STXBP5: variants seen among roughly 807,000 people sequenced by gnomAD.
STXBP5 encodes syntaxin-binding protein 5.
A neutral mutation model predicts 152.4 loss-of-function variants in STXBP5; 50 were observed. That is an observed-to-expected ratio of 0.33 (90% CI 0.26 to 0.42). STXBP5 has a LOEUF of 0.42. Ranked by LOEUF, STXBP5 falls within the 10% of genes least tolerant of loss-of-function variation. The pLI, the probability that STXBP5 is intolerant of heterozygous loss-of-function variation, is 1.00. For synonymous variants in STXBP5, 492 were observed against 494.7 expected, an observed-to-expected ratio of 0.99 and a Z score of 0.07; for missense variants, 1,167 against 1,388.6, an observed-to-expected ratio of 0.84 and a Z score of 2.54.
intron 19 of STXBP5, among the ~76,000 whole-genome samples, chr6:147,337,848 C>T (rs1783905846): frequency 6.6e-6 from 1 of 151,896 alleles, no homozygotes; most frequent in East Asian, 1.9e-4. Flanking sequence ...TGATGTTTAA[C>T]AGAAATAACA....
At chr6:147,231,051 G>T (rs1777979576) in intron 2 of STXBP5, among the ~76,000 whole-genome samples, 1 of 151,706 alleles carries the variant, frequency 6.6e-6, no homozygotes, top group South Asian at 2.1e-4. Context: ...TAGGCAGTTA[G>T]AGTGACGCTT....
chr6:147,339,444 C>A (rs1783991458), intron 21 of STXBP5, 60 bp downstream of exon 21: 1 of 1,272,308 alleles, frequency 7.9e-7, no homozygotes, highest in South Asian at 1.8e-5. Flanking sequence ...GCTAACCCAA[C>A]ACCAGAATTA....
intron 16 of STXBP5, among the ~76,000 whole-genome samples, chr6:147,316,843 T>C (rs144499997): frequency 6.6e-6 from 1 of 152,336 alleles, no homozygotes; most frequent in African/African-American, 2.4e-5. Flanking sequence ...ACCGTATCTT[T>C]ATTTAAAACG....
At chr6:147,279,777 A>G (rs1377813742) in intron 8 of STXBP5, among the ~76,000 whole-genome samples, 1 of 152,174 alleles carries the variant, frequency 6.6e-6, no homozygotes, top group Non-Finnish European at 1.5e-5. Flanking sequence ...ACACTCCTAA[A>G]AATTCCCATG....
chr6:147,382,639 A>G, intron 26 of STXBP5, 139 bp from the exon 27 acceptor site: 1 of 814,580 alleles, frequency 1.2e-6, no homozygotes. Context: ...GAAAGCATGT[A>G]TTAAGCATAT....
intron 2 of STXBP5, among the ~76,000 whole-genome samples, chr6:147,233,830 C>CCTA (rs900005023): frequency 3.4e-4 from 51 of 150,134 alleles, no homozygotes; most frequent in Non-Finnish European, 6.2e-4. Flanking sequence ...AAATACTACT[C>CCTA]CTACTACTAC....
At chr6:147,331,174 G>A (rs372398149) in intron 18 of STXBP5, among the ~76,000 whole-genome samples, 1 of 152,162 alleles carries the variant, frequency 6.6e-6, no homozygotes, top group Non-Finnish European at 1.5e-5. Flanking sequence ...GTAGCTTCCT[G>A]TCTGGACTTT....
At chr6:147,358,722 G>C (rs565432231) in intron 22 of STXBP5, among the ~76,000 whole-genome samples, 1 of 152,252 alleles carries the variant, frequency 6.6e-6, no homozygotes, top group South Asian at 2.1e-4. Flanking sequence ...AAGTAGGCTA[G>C]AGAAAAGAAT....
chr6:147,385,701 T>C lies in STXBP5; in HGVS notation c.*946T>C, dbSNP rs1286772559. On this transcript the variant is annotated 3_prime_UTR_variant, in exon 28 of 28. Coordinates refer to ENST00000321680, the MANE Select transcript of STXBP5 (RefSeq NM_001127715.4). ...TTTTTATAAAATGTTTAACCAAATG[T>C]ACCTTTGCATTCTTTAATTAAAATT... is the stretch of plus-strand genomic sequence containing the variant. 6.6e-6 allele frequency: 1 copy of C among 152,162 alleles called. No homozygotes were observed. The highest frequency in any genetic ancestry group is 2.1e-4 in the South Asian group (1 of 4,836). The allele number at this position is 152,162 out of a possible 1,614,324, so 9.4% of individuals were successfully genotyped here. A position where few individuals can be genotyped will look rare whatever the true frequency, so the allele number is the denominator to read the frequency against.
At position 147,204,460 on chromosome 6, in the gene STXBP5, C is replaced by T. The variant is rs1776428086; in HGVS notation, c.-73C>T. 6 of 1,521,946 alleles carry T rather than the reference C, an allele frequency of 3.9e-6. No homozygotes were observed. Among genetic ancestry groups the T allele is most frequent in the African/African-American group, 1.4e-5 (1 of 72,192 alleles). The allele number at this position is 1,521,946 out of a possible 1,614,324, so 94.3% of individuals were successfully genotyped here. ...TTCCGCGGTCGAAGCTGCCTTCGGC[C>T]CCGGGTGGTCTCCCCCGCCCGGGGA... On this transcript the variant is annotated 5_prime_UTR_variant, in exon 1 of 28. Coordinates refer to ENST00000321680, the MANE Select transcript of STXBP5 (RefSeq NM_001127715.4). This position sits in a 1 kb window ranked among gnomAD's most constrained non-coding sequence, Gnocchi z 4.3.
At chr6:147,305,180 C>T (rs1562475127) in intron 9 of STXBP5, among the ~76,000 whole-genome samples, 1 of 152,186 alleles carries the variant, frequency 6.6e-6, no homozygotes, top group African/African-American at 2.4e-5. Flanking sequence ...TTGAATGCCA[C>T]TTGACATTGT....
intron 26 of STXBP5, among the ~76,000 whole-genome samples, chr6:147,378,641 C>T (rs1785927938): frequency 6.6e-6 from 1 of 151,852 alleles, no homozygotes; most frequent in Non-Finnish European, 1.5e-5. Context: ...AAACAGAAAA[C>T]AAAACAGTCA....
At chr6:147,254,389 A>C (rs923953195) in intron 4 of STXBP5, among the ~76,000 whole-genome samples, 1 of 152,222 alleles carries the variant, frequency 6.6e-6, no homozygotes, top group African/African-American at 2.4e-5. Flanking sequence ...ATGGGCAAAG[A>C]CTTCGTGACT....
chr6:147,329,099 AC>A (rs1783421483), intron 18 of STXBP5, among the ~76,000 whole-genome samples: 1 of 151,772 alleles, frequency 6.6e-6, no homozygotes. Context: ...CATAAAATTA[AC>A]CCCTTTTCTC....
In STXBP5 at chr6:147,267,090, A is replaced by C; in HGVS notation, c.637A>C (p.Ile213Leu). ...DNPMDEGKLL[I>L]GFESGTVVLW... ...CCTTTTTCTTTTATCACAGCTTTTG[A>C]TTGGCTTTGAATCTGGAACAGTAGT... The change falls in exon 7 of 28, where the codon ATT (isoleucine) becomes CTT (leucine). Residue 213 changes from isoleucine (I) to leucine (L), a missense_variant. Physicochemically the swap from Ile to Leu is conservative, Grantham distance 5 (BLOSUM62 2). This residue lies in a region of STXBP5 where 310 missense variants were observed against 346.1 expected (regional missense o/e 0.90). Coordinates refer to ENST00000321680, the MANE Select transcript of STXBP5 (RefSeq NM_001127715.4). 1 of 1,610,700 alleles carries C rather than the reference A, an allele frequency of 6.2e-7. No individual in the cohort carries two copies. Among genetic ancestry groups the C allele is most frequent in the Non-Finnish European group, 8.5e-7 (1 of 1,178,822 alleles).
At chr6:147,319,524 G>A (rs1026055013) in intron 16 of STXBP5, among the ~76,000 whole-genome samples, 1 of 152,032 alleles carries the variant, frequency 6.6e-6, no homozygotes, top group African/African-American at 2.4e-5. Flanking sequence ...TTGGTTTTTT[G>A]TAGACTAACC....
chr6:147,253,768 A>G (rs1218124180), intron 4 of STXBP5, among the ~76,000 whole-genome samples: 2 of 152,180 alleles, frequency 1.3e-5, no homozygotes, highest in Admixed American at 6.5e-5. Context: ...AAGGAGAACT[A>G]CAAACCACTC....
At chr6:147,370,263 G>A (rs904784438) in intron 25 of STXBP5, among the ~76,000 whole-genome samples, 2 of 152,166 alleles carry the variant, frequency 1.3e-5, no homozygotes, top group African/African-American at 2.4e-5. Flanking sequence ...AGAGAAGGTC[G>A]TACAAAGGAG....
rs1780533150 is a variant in STXBP5, at chr6:147,278,119, A to G, written c.753A>G (p.Gln251=). 1 of 1,613,040 alleles carries G rather than the reference A, an allele frequency of 6.2e-7. No individual in the cohort carries two copies. Reference sequence around the variant, plus strand: ...TTGCTTGGCATCATGAAGGAAAACAATTTATTTGCAGTCATTCAGATGGCA... The same window carrying G: ...TTGCTTGGCATCATGAAGGAAAACAGTTTATTTGCAGTCATTCAGATGGCA... The part of the protein sequence containing the change: ...HSVAWHHEGK[Q]FICSHSDGTL... The change falls in exon 8 of 28, where the codon CAA becomes CAG. Residue 251 remains glutamine (Q), a synonymous_variant. Coordinates refer to ENST00000321680, the MANE Select transcript of STXBP5 (RefSeq NM_001127715.4).
Sources: gnomAD v4.1 joint callset for allele counts (sites outside exome capture counted in the v4.1 genomes callset) on GRCh38, gnomAD v4.1.1 for gene constraint, gnomAD v4.1.1 regional missense constraint, Gnocchi (gnomAD v3.1) non-coding constraint, MANE v1.5 for transcripts, NCBI Gene and HGNC (gene_info 2026-07-23, HGNC 2026-07-21) for gene names.